SLC35E4: variants seen among roughly 807,000 people sequenced by gnomAD.
The protein encoded by SLC35E4 is solute carrier family 35, member E4.
A neutral mutation model predicts 19.3 loss-of-function variants in SLC35E4; 15 were observed. That is an observed-to-expected ratio of 0.78 (90% confidence interval 0.52 to 1.20). The LOEUF is 1.20. Ranked by LOEUF, SLC35E4 falls within the 50% of genes most tolerant of loss-of-function variation. The pLI, the probability that SLC35E4 is intolerant of heterozygous loss-of-function variation, is 0.00. For missense variants in SLC35E4, 406 were observed against 472.3 expected (o/e 0.86, Z 1.30); for synonymous variants, 219 against 219.9 (o/e 1.00, Z 0.04).
intron 1 of SLC35E4, among the ~76,000 whole-genome samples, chr22:30,638,414 A>C (rs2087983192): frequency 6.7e-6 from 1 of 150,014 alleles, no homozygotes; most frequent in Non-Finnish European, 1.5e-5. Flanking sequence ...AGGCAGGAGA[A>C]TAGCTTGAAC....
At position 30,646,600 on chromosome 22, in the gene SLC35E4, G is replaced by T; in HGVS notation, c.622G>T (p.Ala208Ser). 6.3e-7 allele frequency: 1 copy of T among 1,593,940 alleles called. No homozygotes were observed. Among genetic ancestry groups the T allele is most frequent in the Non-Finnish European group, 8.6e-7 (1 of 1,168,544 alleles). ...LRGLKSVQQSALLQEERLDAV... is the reference protein window; with the variant it reads ...LRGLKSVQQSSLLQEERLDAV... The stretch of plus-strand genomic sequence containing the variant: ...TCATGGCGGTTGTCCTGTTGCAGGT[G>T]CCCTGCTGCAGGAGGAGAGGCTGGA... The change falls in exon 2 of 2, where the codon GCC (alanine) becomes TCC (serine). Residue 208 changes from alanine (A) to serine (S), a missense_variant and splice_region_variant. Coordinates refer to ENST00000343605, the MANE Select transcript of SLC35E4 (RefSeq NM_001001479.4).
downstream of SLC35E4, chr22:30,649,221 G>A: frequency 1.4e-6 from 1 of 717,220 alleles, no homozygotes; most frequent in South Asian, 1.5e-5. Context: ...TTCGAATGAG[G>A]AGCGCTGGGC....
intron 2 of SLC35E4, among the ~76,000 whole-genome samples, chr22:30,656,913 G>A (rs558103309): frequency 2.0e-5 from 3 of 152,164 alleles, no homozygotes; most frequent in South Asian, 2.1e-4. Flanking sequence ...CCAGGAGTTC[G>A]AGACCAGCCT....
chr22:30,655,450 A>G (rs2145594224), intron 2 of SLC35E4, among the ~76,000 whole-genome samples: 1 of 145,886 alleles, frequency 6.9e-6, no homozygotes, highest in South Asian at 2.2e-4. Flanking sequence ...AAAAAAAAAG[A>G]AAAAGAAAAA....
chr22:30,639,462 A>C (rs1461105722), intron 1 of SLC35E4, among the ~76,000 whole-genome samples: 1 of 152,150 alleles, frequency 6.6e-6, no homozygotes, highest in Admixed American at 6.5e-5. Context: ...GAGAGCAGAC[A>C]ACCAGTCTGA....
downstream of SLC35E4, among the ~76,000 whole-genome samples, chr22:30,664,339 G>A (rs2088577051): frequency 6.6e-6 from 1 of 152,188 alleles, no homozygotes; most frequent in Non-Finnish European, 1.5e-5. Context: ...CTGCCCTATA[G>A]GACAAATGGC....
At chr22:30,638,737 G>A (rs1325694993) in intron 1 of SLC35E4, among the ~76,000 whole-genome samples, 2 of 152,140 alleles carry the variant, frequency 1.3e-5, no homozygotes, top group African/African-American at 4.8e-5. Context: ...GCTTGAACCT[G>A]GGAGGCGGAG....
chr22:30,651,371 T>TTTGTGTGTGTGTG (rs1555899345), downstream of SLC35E4, among the ~76,000 whole-genome samples: 1 of 41,202 alleles, frequency 2.4e-5, no homozygotes, highest in African/African-American at 1.1e-4. Context: ...TGGCTAATTT[T>TTTGTGTGTGTGTG]TGTGTGTGTG....
chr22:30,654,469 T>C, intron 2 of SLC35E4: 5 of 436,210 alleles, frequency 1.1e-5, no homozygotes, highest in South Asian at 8.4e-5. Flanking sequence ...CACCTGCTTT[T>C]TCGTCATAGG....
rs145621084 is a variant in SLC35E4, at chr22:30,644,689, C to G, written c.620-1909C>G. Among the ~76,000 whole-genome samples, 810 of 152,184 alleles carry G rather than the reference C, an allele frequency of 5.3e-3. 5 individuals carry two copies. The highest frequency in any genetic ancestry group is 0.01 in the Middle Eastern group (3 of 294). Reference sequence around the variant, plus strand: ...AGCTCGGAAGGCAGTAAACTGACATCGTACCACTACACTCCAGCCTGGGCA... The same window carrying G: ...AGCTCGGAAGGCAGTAAACTGACATGGTACCACTACACTCCAGCCTGGGCA... On this transcript the variant is annotated intron_variant, in intron 1 of 1. Transcript: ENST00000343605.
At chr22:30,660,513 C>T (rs1051194044) in intron 2 of SLC35E4, among the ~76,000 whole-genome samples, 7 of 152,094 alleles carry the variant, frequency 4.6e-5, no homozygotes, top group Non-Finnish European at 5.9e-5. Context: ...CAGGAATTCA[C>T]GGACAATGTC....
intron 1 of SLC35E4, 39 bp from the exon 2 acceptor site, chr22:30,646,559 G>A: frequency 6.4e-7 from 1 of 1,567,120 alleles, no homozygotes; most frequent in Non-Finnish European, 8.7e-7. Flanking sequence ...GGAGGGGGTT[G>A]TGTCCTTCTG....
At chr22:30,665,941 G>A (rs1410796030), downstream of SLC35E4, among the ~76,000 whole-genome samples, 1 of 151,824 alleles carries the variant, frequency 6.6e-6, no homozygotes. Flanking sequence ...GAGGGGCTGG[G>A]TGGGGATGGG....
At chr22:30,651,427 ATTTTTTTTTTTTTTTT>A (rs1160256288), downstream of SLC35E4, among the ~76,000 whole-genome samples, 34 of 22,154 alleles carry the variant, frequency 1.5e-3, no homozygotes, top group East Asian at 0.012. Flanking sequence ...ATATATATAT[ATTTTTTTTTTTTTTTT>A]TTTTTTTTTT....
chr22:30,644,227 C>T (rs1259002572), intron 1 of SLC35E4, among the ~76,000 whole-genome samples: 2 of 152,122 alleles, frequency 1.3e-5, no homozygotes, highest in Non-Finnish European at 2.9e-5. Flanking sequence ...CTGTTTGTTG[C>T]CTAGAGAACA....
chr22:30,664,108 G>A (rs1034780435), downstream of SLC35E4: 3 of 1,140,096 alleles, frequency 2.6e-6, no homozygotes, highest in African/African-American at 3.1e-5. Flanking sequence ...ATGTTTAGAG[G>A]GCAGGTGCCC....
At chr22:30,657,836 G>A (rs190509297) in intron 2 of SLC35E4, among the ~76,000 whole-genome samples, 4 of 151,010 alleles carry the variant, frequency 2.6e-5, no homozygotes, top group Admixed American at 6.6e-5. Flanking sequence ...CTCGGGAGGC[G>A]GAGCTTGCAG....
chr22:30,641,804 T>G (rs544994423), intron 1 of SLC35E4, among the ~76,000 whole-genome samples: 1 of 146,576 alleles, frequency 6.8e-6, no homozygotes, highest in South Asian at 2.2e-4. Flanking sequence ...CAAGTGATCT[T>G]CCCTCCGGGC....
At chr22:30,650,761 T>G (rs185068952), downstream of SLC35E4, among the ~76,000 whole-genome samples, 38 of 152,156 alleles carry the variant, frequency 2.5e-4, 1 homozygote, top group East Asian at 5.6e-3. Context: ...CCACCCCTCC[T>G]CAGCCTGCCA....
Sources: allele counts gnomAD v4.1 joint callset (sites outside exome capture counted in the v4.1 genomes callset), GRCh38; gene constraint gnomAD v4.1.1; transcripts MANE v1.5; gene names NCBI Gene and HGNC (gene_info 2026-07-23, HGNC 2026-07-21).